The following PDE1A variants were observed in gnomAD, a reference collection of about 807,000 sequenced individuals.
PDE1A encodes the protein phosphodiesterase 1A, also known as dual specificity calcium/calmodulin-dependent 3',5'-cyclic nucleotide phosphodiesterase 1A.
PDE1A carries 35 observed loss-of-function variants against 61.7 expected under a neutral mutation model. The ratio of observed to expected loss-of-function variants is 0.57; its 90% CI spans 0.43 to 0.75. The LOEUF is 0.75. Ranked by LOEUF, PDE1A falls within the 30% of genes least tolerant of loss-of-function variation. PDE1A has a pLI of 0.00. For missense variants in PDE1A, 597 were observed against 630.6 expected (o/e 0.95, Z 0.57); for synonymous variants, 232 against 213.2 (o/e 1.09, Z -0.77).
At position 182,207,092 on chromosome 2, in the gene PDE1A, T is replaced by G. The variant is rs140931533; in HGVS notation, c.777-1027A>C. 1.4e-3 allele frequency among the ~76,000 whole-genome samples: 214 copies of G among 152,236 alleles called. 1 individual carries two copies. In the Middle Eastern group the frequency reaches 0.017, roughly 12 times the overall value. On this transcript the variant is annotated intron_variant, in intron 7 of 13. Coordinates refer to ENST00000351439, the Ensembl canonical transcript of PDE1A. ...ATTGCTATAAAGATACCTAAAAATG[T>G]GGAAGCAACTTTGGAACTGGGTAAT...
At chr2:182,625,009 C>T in the PDE1A span, among the ~76,000 whole-genome samples, 2 of 151,862 alleles carry the variant, frequency 1.3e-5, no homozygotes, top group Non-Finnish European at 2.9e-5. Context: ...AAAGTGGAGC[C>T]TTTGGGAGGT....
At chr2:182,383,563 G>T (rs903000966) in intron 1 of PDE1A, among the ~76,000 whole-genome samples, 14 of 152,170 alleles carry the variant, frequency 9.2e-5, no homozygotes, top group Non-Finnish European at 1.2e-4. Context: ...GATCTAGTTG[G>T]ATGCAAGAAA....
At chr2:182,376,593 C>T in intron 1 of PDE1A, among the ~76,000 whole-genome samples, 1 of 152,160 alleles carries the variant, frequency 6.6e-6, no homozygotes, top group South Asian at 2.1e-4. Flanking sequence ...TCTTCTGAGC[C>T]CTCCAAACTG....
At chr2:182,301,964 T>C (rs535021892) in intron 1 of PDE1A, among the ~76,000 whole-genome samples, 4 of 152,296 alleles carry the variant, frequency 2.6e-5, no homozygotes, top group South Asian at 2.1e-4. Context: ...TTAGGATTAA[T>C]TGCAGCAGTA....
chr2:182,184,534 C>G (rs1685051558), intron 13 of PDE1A, among the ~76,000 whole-genome samples: 1 of 152,036 alleles, frequency 6.6e-6, no homozygotes, highest in Non-Finnish European at 1.5e-5. Context: ...TAAAGAAAAT[C>G]TAATTGTTTG....
chr2:182,620,197 TAAC>T, the PDE1A span, among the ~76,000 whole-genome samples: 2 of 152,184 alleles, frequency 1.3e-5, no homozygotes, highest in East Asian at 1.9e-4. Flanking sequence ...ATTTAATAAA[TAAC>T]AATTAATTGA....
At chr2:182,628,229 T>C in the PDE1A span, among the ~76,000 whole-genome samples, 1 of 152,182 alleles carries the variant, frequency 6.6e-6, no homozygotes, top group South Asian at 2.1e-4. Flanking sequence ...AAGTAAGCAA[T>C]GTCTGAGAAA....
intron 2 of PDE1A, among the ~76,000 whole-genome samples, chr2:182,447,294 T>C (rs752210190): frequency 5.9e-5 from 9 of 152,026 alleles, no homozygotes; most frequent in Non-Finnish European, 1.2e-4. Context: ...TCCAAGCAGA[T>C]GAAGCTGGGA....
chr2:182,202,119 T>C (rs1028736441), intron 8 of PDE1A, among the ~76,000 whole-genome samples: 1 of 152,192 alleles, frequency 6.6e-6, no homozygotes, highest in African/African-American at 2.4e-5. Flanking sequence ...ACTTTAGCCA[T>C]TTTAAAGAAA....
chr2:182,447,337 G>T (rs1005858595), intron 2 of PDE1A, among the ~76,000 whole-genome samples: 1 of 151,958 alleles, frequency 6.6e-6, no homozygotes, highest in Non-Finnish European at 1.5e-5. Context: ...AGAATCTACT[G>T]AGAGATTTTC....
the PDE1A span, among the ~76,000 whole-genome samples, chr2:182,558,945 C>A: frequency 1.3e-5 from 2 of 152,140 alleles, no homozygotes; most frequent in African/African-American, 4.8e-5. Flanking sequence ...TTTTCTCCTC[C>A]TTGCCAGGAA....
chr2:182,555,997 G>GTGGCATTCTTTTGACTTAAGA, the PDE1A span, among the ~76,000 whole-genome samples: 222 of 126,870 alleles, frequency 1.7e-3, 2 homozygotes, highest in Non-Finnish European at 2.4e-3. Flanking sequence ...AAAAAAAAGA[G>GTGGCATTCTTTTGACTTAAGA]TGGCATTCTT....
At chr2:182,545,466 T>C in the PDE1A span, among the ~76,000 whole-genome samples, 1 of 152,334 alleles carries the variant, frequency 6.6e-6, no homozygotes, top group East Asian at 1.9e-4. Context: ...ATAAATTCCT[T>C]CCATTTGAAA....
At chr2:182,203,571 G>C (rs189514643) in intron 8 of PDE1A, among the ~76,000 whole-genome samples, 29 of 152,272 alleles carry the variant, frequency 1.9e-4, no homozygotes, top group Admixed American at 4.6e-4. Context: ...AGGAAAATGA[G>C]ATTAGAGTTT....
At chr2:182,407,078 T>C (rs1359870557) in intron 1 of PDE1A, among the ~76,000 whole-genome samples, 2 of 152,140 alleles carry the variant, frequency 1.3e-5, no homozygotes, top group Non-Finnish European at 2.9e-5. Context: ...TCAAAATGTT[T>C]TCTTCACATG....
chr2:182,533,596 T>C, the PDE1A span, among the ~76,000 whole-genome samples: 35 of 152,218 alleles, frequency 2.3e-4, 1 homozygote, highest in African/African-American at 7.7e-4. Flanking sequence ...AGACTTGAAG[T>C]TGAAAAATCC....
At chr2:182,154,922 T>G (rs1458501265) in intron 13 of PDE1A, among the ~76,000 whole-genome samples, 2 of 152,096 alleles carry the variant, frequency 1.3e-5, no homozygotes, top group Non-Finnish European at 2.9e-5. Context: ...ACAAATTATT[T>G]TTCAAGTTGC....
At chr2:182,380,487 C>T (rs753922574) in intron 1 of PDE1A, among the ~76,000 whole-genome samples, 10 of 152,062 alleles carry the variant, frequency 6.6e-5, no homozygotes, top group Admixed American at 1.3e-4. Flanking sequence ...TGCCCACTCA[C>T]GGCAATGTGA....
At chr2:182,187,857 G>A (rs1358583501) in intron 11 of PDE1A, among the ~76,000 whole-genome samples, 6 of 144,292 alleles carry the variant, frequency 4.2e-5, no homozygotes, top group Non-Finnish European at 6.0e-5. Flanking sequence ...TGATTCTCAT[G>A]CCTCGGCCTC....
Sources: gnomAD v4.1 joint callset for allele counts (sites outside exome capture counted in the v4.1 genomes callset) on GRCh38, gnomAD v4.1.1 for gene constraint, MANE v1.5 for transcripts, NCBI Gene and HGNC (gene_info 2026-07-23, HGNC 2026-07-21) for gene names.